The following CTXN2 variants were observed in gnomAD, a reference collection of about 807,000 sequenced individuals.
The protein encoded by CTXN2 is cortexin-2.
In CTXN2, 3 loss-of-function variants were observed where a neutral mutation model predicts 5.7. The observed-to-expected ratio is 0.53, with a 90% CI of 0.24 to 1.36. The LOEUF is 1.36. Among genes scored for constraint, CTXN2 ranks in the 40% most tolerant of loss-of-function variants. The probability of loss-of-function intolerance (pLI) is 0.17; values close to 1 mark genes in which losing one functional copy is unlikely to be tolerated. For missense variants in CTXN2, 87 were observed against 93.0 expected (o/e 0.94, Z 0.26); for synonymous variants, 38 against 36.4 (o/e 1.04, Z -0.16).
chr15:48,198,084 A>G (rs2040896042), intron 1 of CTXN2, among the ~76,000 whole-genome samples: 1 of 152,170 alleles, frequency 6.6e-6, no homozygotes, highest in South Asian at 2.1e-4. Context: ...CTTTCCTTAG[A>G]AAACAAAAGG....
chr15:48,201,324 C>T lies in CTXN2; in HGVS notation c.24C>T (p.Asn8=). The T allele has an allele frequency of 6.4e-7, 1 of 1,551,318 alleles. No homozygotes were observed. The highest frequency in any genetic ancestry group is 8.7e-7 in the Non-Finnish European group (1 of 1,146,678). Residue 8 remains asparagine, a synonymous_variant, in exon 2 of 2, where the codon AAC becomes AAT. Transcript: ENST00000417307. ...TAATGAGTAGTACCTACTGTGGCAA[C>T]TCTTCAGCTAAGATGAGTGTCAACG... MSSTYCG[N]SSAKMSVNEV...
chr15:48,197,014 AT>A (rs5812437), intron 1 of CTXN2, among the ~76,000 whole-genome samples: 19,078 of 144,652 alleles, frequency 0.13, 3,318 homozygotes, highest in East Asian at 0.39. Context: ...ACATTGTTTG[AT>A]TTTTTTTTTT....
chr15:48,203,528 GT>G lies in CTXN2; in HGVS notation c.*1985del, dbSNP rs2040943954. On this transcript the variant is annotated 3_prime_UTR_variant, in exon 2 of 2. Coordinates refer to ENST00000417307, the MANE Select transcript of CTXN2 (RefSeq NM_001145668.2). Reference sequence around the variant, plus strand: ...GACCAAGGCTTTTAAAGTACCAGATGTTTCATTTGTCTCCCAGAGAAGACAC... The same window carrying G: ...GACCAAGGCTTTTAAAGTACCAGATGTTCATTTGTCTCCCAGAGAAGACAC... The G allele has an allele frequency of 6.0e-6, 1 of 166,932 alleles. No individual in the cohort carries two copies. Among genetic ancestry groups the G allele is most frequent in the Admixed American group, 6.5e-5 (1 of 15,268 alleles). The allele number at this position is 166,932 out of a possible 1,614,324, so 10.3% of individuals were successfully genotyped here. A position where few individuals can be genotyped will look rare whatever the true frequency, so the allele number is the denominator to read the frequency against.
chr15:48,200,421 C>T (rs564986992), intron 1 of CTXN2, among the ~76,000 whole-genome samples: 126 of 152,214 alleles, frequency 8.3e-4, no homozygotes, highest in African/African-American at 3.0e-3. Flanking sequence ...TTTAGAATCT[C>T]AGCACAATAG....
At chr15:48,195,060 T>C (rs2040863823) in intron 1 of CTXN2, among the ~76,000 whole-genome samples, 1 of 152,178 alleles carries the variant, frequency 6.6e-6, no homozygotes, top group African/African-American at 2.4e-5. Flanking sequence ...AAGCTGACAA[T>C]TGAGTGCCTA....
At chr15:48,181,334 G>A (rs2040700116) in intron 1 of CTXN2, among the ~76,000 whole-genome samples, 1 of 152,170 alleles carries the variant, frequency 6.6e-6, no homozygotes. Context: ...GACCCAAGAT[G>A]GCTGCTGGAG....
intron 1 of CTXN2, among the ~76,000 whole-genome samples, chr15:48,182,643 C>T (rs1294043992): frequency 6.6e-6 from 1 of 152,118 alleles, no homozygotes; most frequent in Non-Finnish European, 1.5e-5. Flanking sequence ...ATGCAATATG[C>T]AGTATGTATA....
chr15:48,180,623 T>G (rs573541389), intron 1 of CTXN2, among the ~76,000 whole-genome samples: 1 of 152,332 alleles, frequency 6.6e-6, no homozygotes, highest in Admixed American at 6.5e-5. Flanking sequence ...ACCGTTCTCC[T>G]GCCTCAGCCT....
rs1235590664 is a variant in CTXN2, at chr15:48,202,402, C to T, written c.*856C>T. ...CAATTCTAGTGCCCTATGAATGCTA[C>T]AAATGTATCTGAAAACCCAGAGATC... On this transcript the variant is annotated 3_prime_UTR_variant, in exon 2 of 2. Transcript: ENST00000417307. 2.4e-5 allele frequency: 4 copies of T among 166,988 alleles called. No individual in the cohort carries two copies. The Admixed American group carries it at 2.6e-4, about 11-fold the overall frequency. The allele number at this position is 166,988 out of a possible 1,614,324, so 10.3% of individuals were successfully genotyped here. A position where few individuals can be genotyped will look rare whatever the true frequency, so the allele number is the denominator to read the frequency against.
chr15:48,189,591 C>G (rs2040794221), upstream of CTXN2: 1 of 152,042 alleles, frequency 6.6e-6, no homozygotes, highest in Non-Finnish European at 1.5e-5. Flanking sequence ...ATGTCAAAAT[C>G]AAAATCAAAG....
chr15:48,191,624 G>C (rs1205520778), upstream of CTXN2: 2 of 420,882 alleles, frequency 4.8e-6, no homozygotes, highest in South Asian at 1.7e-5. Flanking sequence ...TCCTGCAAAC[G>C]CGCGCGCGCA....
chr15:48,197,505 G>A (rs751188201), intron 1 of CTXN2, among the ~76,000 whole-genome samples: 3 of 151,952 alleles, frequency 2.0e-5, no homozygotes, highest in Non-Finnish European at 4.4e-5. Context: ...TTTGGCAGGT[G>A]CACATTGTTA....
chr15:48,180,649 C>G (rs2040694096), intron 1 of CTXN2, among the ~76,000 whole-genome samples: 1 of 152,112 alleles, frequency 6.6e-6, no homozygotes, highest in Non-Finnish European at 1.5e-5. Context: ...GTAGCTGGGA[C>G]TACAGGCGCC....
intron 1 of CTXN2, among the ~76,000 whole-genome samples, chr15:48,194,071 C>T (rs1034449759): frequency 6.6e-6 from 1 of 152,132 alleles, no homozygotes; most frequent in Non-Finnish European, 1.5e-5. Context: ...AATTTTTAAT[C>T]AGCCTTTGAA....
chr15:48,193,002 G>T (rs1251960741), intron 1 of CTXN2, among the ~76,000 whole-genome samples: 2 of 152,142 alleles, frequency 1.3e-5, no homozygotes, highest in Non-Finnish European at 2.9e-5. Flanking sequence ...TGCATATCAG[G>T]TATAAAAATA....
At chr15:48,190,524 A>G (rs2040806213), upstream of CTXN2, among the ~76,000 whole-genome samples, 1 of 151,880 alleles carries the variant, frequency 6.6e-6, no homozygotes, top group Admixed American at 6.5e-5. Context: ...TACATTTCCT[A>G]AATCAGTAAA....
At chr15:48,195,151 T>C (rs935228202) in intron 1 of CTXN2, among the ~76,000 whole-genome samples, 1 of 152,132 alleles carries the variant, frequency 6.6e-6, no homozygotes, top group Non-Finnish European at 1.5e-5. Flanking sequence ...TATGCTTTGC[T>C]CTTATTTTCT....
At chr15:48,199,789 T>C (rs1173936944) in intron 1 of CTXN2, among the ~76,000 whole-genome samples, 1 of 152,110 alleles carries the variant, frequency 6.6e-6, no homozygotes, top group Admixed American at 6.6e-5. Context: ...AAAACTAAAG[T>C]CTTCTCACTA....
In CTXN2 at chr15:48,179,589, G is replaced by C. The variant is rs140100747; in HGVS notation, c.-455+1189G>C. On this transcript the variant is annotated intron_variant, in intron 1 of 2. Transcript: ENST00000644354. ...AGACAAAATCTGGGTTAGAACCCCAGCTCTGCCTCTTTTTGCCCATAACTC... is the reference window on the plus strand; with the variant it reads ...AGACAAAATCTGGGTTAGAACCCCACCTCTGCCTCTTTTTGCCCATAACTC... Among the ~76,000 whole-genome samples, 525 of 152,268 alleles carry C rather than the reference G, an allele frequency of 3.4e-3. 2 individuals carry two copies. Among genetic ancestry groups the C allele is most frequent in the African/African-American group, 0.012 (498 of 41,546 alleles).
Sources: allele counts gnomAD v4.1 joint callset (sites outside exome capture counted in the v4.1 genomes callset), GRCh38; gene constraint gnomAD v4.1.1; transcripts MANE v1.5; gene names NCBI Gene and HGNC (gene_info 2026-07-23, HGNC 2026-07-21).